TBC1D22B: variants seen among roughly 807,000 people sequenced by gnomAD.
TBC1D22B encodes the protein TBC1 domain family member 22B.
TBC1D22B carries 32 observed loss-of-function variants against 69.1 expected under a neutral mutation model. That is an observed-to-expected ratio of 0.46 (90% CI 0.35 to 0.62). The LOEUF (loss-of-function observed/expected upper bound fraction) is 0.62. Among genes scored for constraint, TBC1D22B ranks in the 20% least tolerant of loss-of-function variants. The pLI is 0.00. For missense variants in TBC1D22B, 462 were observed against 630.9 expected, an observed-to-expected ratio of 0.73 and a Z score of 2.87; for synonymous variants, 206 against 229.8, an observed-to-expected ratio of 0.90 and a Z score of 0.94.
chr6:37,265,483 A>G (rs1271532701), intron 1 of TBC1D22B, among the ~76,000 whole-genome samples: 1 of 148,966 alleles, frequency 6.7e-6, no homozygotes, highest in Non-Finnish European at 1.5e-5. Context: ...ATTCAGGTGT[A>G]CTCTTAGATT....
At chr6:37,269,713 T>C in intron 2 of TBC1D22B, 63 bp downstream of exon 2, 40 of 1,505,406 alleles carry the variant, frequency 2.7e-5, no homozygotes, top group Non-Finnish European at 3.7e-5. Context: ...TCCCCTATTT[T>C]GTTGAAATGA....
At chr6:37,279,242 G>A (rs972250547) in intron 2 of TBC1D22B, 62 bp from the exon 3 acceptor site, 2 of 1,404,500 alleles carry the variant, frequency 1.4e-6, no homozygotes, top group Middle Eastern at 1.9e-4. Flanking sequence ...ACAATAATAA[G>A]CAAATGTAGG....
chr6:37,269,544 T>G, intron 1 of TBC1D22B, 50 bp from the exon 2 acceptor site: 2 of 1,591,200 alleles, frequency 1.3e-6, no homozygotes, highest in Non-Finnish European at 1.7e-6. Flanking sequence ...GCCAACATAT[T>G]TAGTTTCCTA....
At position 37,262,031 on chromosome 6, in the gene TBC1D22B, C is replaced by T. The variant is rs71544411; in HGVS notation, c.56+4058C>T. On this transcript the variant is annotated intron_variant, in intron 1 of 12. Coordinates refer to ENST00000373491, the MANE Select transcript of TBC1D22B (RefSeq NM_017772.4). ...GGGCACAGGAGAAAAAAAAAATCAC[C>T]TTTTTTTTTTTTTTTTTGAGATGGG... Among the ~76,000 whole-genome samples, 191 of 88,076 alleles carry T rather than the reference C, an allele frequency of 2.2e-3. 2 individuals are homozygous for T. The highest frequency in any genetic ancestry group is 8.0e-3 in the African/African-American group (172 of 21,494). The allele number at this position is 88,076 out of a possible 152,430, so 57.8% of individuals were successfully genotyped here. A position where few individuals can be genotyped will look rare whatever the true frequency, so the allele number is the denominator to read the frequency against.
intron 7 of TBC1D22B, among the ~76,000 whole-genome samples, 198 bp downstream of exon 7, chr6:37,287,270 A>T (rs1329905386): frequency 6.6e-6 from 1 of 152,230 alleles, no homozygotes; most frequent in South Asian, 2.1e-4. Context: ...AAGGCTAAGG[A>T]ACTTGCTCAG....
intron 6 of TBC1D22B, among the ~76,000 whole-genome samples, chr6:37,285,073 G>A (rs1040919020): frequency 8.5e-5 from 13 of 152,286 alleles, no homozygotes; most frequent in Admixed American, 2.0e-4. Flanking sequence ...AACATCACAT[G>A]TGGAGGGAGG....
intron 12 of TBC1D22B, among the ~76,000 whole-genome samples, chr6:37,322,002 C>T (rs919550642): frequency 2.4e-4 from 37 of 152,144 alleles, no homozygotes; most frequent in Non-Finnish European, 1.0e-4. Context: ...AATGTAAGAG[C>T]GCTCGAACCT....
intron 10 of TBC1D22B, 129 bp from the exon 11 acceptor site, chr6:37,316,574 G>A (rs970679099): frequency 2.0e-6 from 2 of 994,960 alleles, no homozygotes; most frequent in African/African-American, 1.6e-5. Context: ...TCAGATGGCT[G>A]TCTGCCTCCT....
chr6:37,274,844 A>C (rs1473474063), intron 2 of TBC1D22B, among the ~76,000 whole-genome samples: 3 of 152,164 alleles, frequency 2.0e-5, no homozygotes. Flanking sequence ...TGAGGTTAGG[A>C]GTTCAAGACC....
chr6:37,269,991 C>T (rs1766431688), intron 2 of TBC1D22B, among the ~76,000 whole-genome samples: 1 of 152,190 alleles, frequency 6.6e-6, no homozygotes. Context: ...AGCAGGAGAT[C>T]TGGTTTCTGA....
chr6:37,271,866 T>C (rs956377544), intron 2 of TBC1D22B, among the ~76,000 whole-genome samples: 16 of 151,604 alleles, frequency 1.1e-4, no homozygotes, highest in African/African-American at 3.1e-4. Context: ...TTTTTTTTTT[T>C]TTTAAATCAG....
intron 2 of TBC1D22B, among the ~76,000 whole-genome samples, chr6:37,276,514 C>T (rs754241166): frequency 5.9e-5 from 9 of 152,162 alleles, no homozygotes; most frequent in Non-Finnish European, 1.0e-4. Context: ...CCTTTTCTCC[C>T]TTCTTTCTTC....
At chr6:37,312,264 T>G (rs1767936588) in intron 8 of TBC1D22B, among the ~76,000 whole-genome samples, 1 of 152,210 alleles carries the variant, frequency 6.6e-6, no homozygotes, top group African/African-American at 2.4e-5. Flanking sequence ...TCAACCATAT[T>G]TGTCTGTGGA....
chr6:37,291,048 A>G (rs756699096), intron 7 of TBC1D22B, among the ~76,000 whole-genome samples, 195 bp from the exon 8 acceptor site: 2 of 152,212 alleles, frequency 1.3e-5, no homozygotes, highest in Non-Finnish European at 2.9e-5. Context: ...GGCAAGAAGT[A>G]TCTACCCCTA....
chr6:37,292,165 G>T lies in TBC1D22B; in HGVS notation c.982+808G>T, dbSNP rs372539788. On this transcript the variant is annotated intron_variant, in intron 8 of 12. Transcript: ENST00000373491. ...TAATCCCTCATTTCACTGAGAAGTT[G>T]TGAGATTCTCTGTCTCCTTATTAGA... Among the ~76,000 whole-genome samples, 12 of 152,310 alleles carry T rather than the reference G, an allele frequency of 7.9e-5. No individual in the cohort carries two copies. The East Asian group carries it at 2.3e-3, about 29-fold the overall frequency.
chr6:37,298,947 TCC>T (rs1016793071), intron 8 of TBC1D22B, among the ~76,000 whole-genome samples: 1 of 152,212 alleles, frequency 6.6e-6, no homozygotes, highest in African/African-American at 2.4e-5. Context: ...TCTGAAAGAG[TCC>T]TAGAAGTGAA....
chr6:37,277,706 G>A (rs1026879886), intron 2 of TBC1D22B, among the ~76,000 whole-genome samples: 3 of 151,970 alleles, frequency 2.0e-5, no homozygotes, highest in Admixed American at 6.5e-5. Flanking sequence ...GACCTCAAGT[G>A]ATCCATCTGC....
At chr6:37,300,295 A>G (rs907340850) in intron 8 of TBC1D22B, among the ~76,000 whole-genome samples, 1 of 151,676 alleles carries the variant, frequency 6.6e-6, no homozygotes, top group African/African-American at 2.4e-5. Flanking sequence ...CTCCATTTCT[A>G]TCCAGTACCA....
intron 2 of TBC1D22B, among the ~76,000 whole-genome samples, chr6:37,270,544 A>G (rs1766452219): frequency 2.0e-5 from 3 of 151,952 alleles, no homozygotes; most frequent in African/African-American, 7.2e-5. Flanking sequence ...CACAACAGAG[A>G]CTCTAGTTAA....
Sources: gnomAD v4.1 joint callset for allele counts (sites outside exome capture counted in the v4.1 genomes callset) on GRCh38, gnomAD v4.1.1 for gene constraint, MANE v1.5 for transcripts, NCBI Gene and HGNC (gene_info 2026-07-23, HGNC 2026-07-21) for gene names.